The following ADGRB3 variants were observed in gnomAD, a reference collection of about 807,000 sequenced individuals.
ADGRB3 encodes adhesion G protein-coupled receptor B3, also known as brain-specific angiogenesis inhibitor 3.
Under a neutral mutation model 193.4 loss-of-function variants are expected in ADGRB3, and 37 were observed. The ratio of observed to expected loss-of-function variants is 0.19; its 90% confidence interval spans 0.15 to 0.25. ADGRB3 has a LOEUF of 0.25. ADGRB3 is among the 10% of genes least tolerant of loss of function. The pLI, the probability that ADGRB3 is intolerant of heterozygous loss-of-function variation, is 1.00. For missense variants in ADGRB3, 1,637 were observed against 1,852.9 expected, an observed-to-expected ratio of 0.88 and a Z score of 2.14; for synonymous variants, 690 against 644.2, an observed-to-expected ratio of 1.07 and a Z score of -1.08.
Position 68,988,948 on chromosome 6 carries a change from G to A in ADGRB3, c.1735-4820G>A, listed in dbSNP as rs540846158. Among the ~76,000 whole-genome samples the A allele has an allele frequency of 6.6e-5, 10 of 152,250 alleles. No individual in the cohort carries two copies. The East Asian group carries it at 1.9e-3, about 29-fold the overall frequency. ...AAACTCCTAGTCTGAACCAAGAACAGATGGAATTAACATCAAAAGTTGCAT... is the reference window on the plus strand; with the variant it reads ...AAACTCCTAGTCTGAACCAAGAACAAATGGAATTAACATCAAAAGTTGCAT... On this transcript the variant is annotated intron_variant, in intron 10 of 31. Coordinates refer to ENST00000370598, the MANE Select transcript of ADGRB3 (RefSeq NM_001704.3).
intron 3 of ADGRB3, among the ~76,000 whole-genome samples, chr6:68,907,108 C>T (rs528020194): frequency 7.1e-4 from 108 of 151,874 alleles, no homozygotes; most frequent in African/African-American, 2.0e-3. Context: ...CTCAGTAATT[C>T]GGATTCAAAT....
At chr6:69,282,186 A>G (rs950202084) in intron 20 of ADGRB3, among the ~76,000 whole-genome samples, 7 of 152,170 alleles carry the variant, frequency 4.6e-5, no homozygotes, top group African/African-American at 9.7e-5. Flanking sequence ...GGCAAATAAA[A>G]TGAATATCAG....
In ADGRB3 at chr6:69,074,537, C is replaced by CT. The variant is rs956596624; in HGVS notation, c.2437-1437dup. The stretch of plus-strand genomic sequence containing the variant: ...GGCAGTGGCCTGTTTCAGGACTGTA[C>CT]TTTTTTTTTTTTTTTTTTTTTGAGA... On this transcript the variant is annotated intron_variant, in intron 16 of 31. Transcript: ENST00000370598. 7.5e-3 allele frequency among the ~76,000 whole-genome samples: 864 copies of CT among 115,872 alleles called. 8 individuals carry two copies. Among genetic ancestry groups the CT allele is most frequent in the African/African-American group, 0.018 (572 of 31,028 alleles). The allele number at this position is 115,872 out of a possible 152,430, so 76.0% of individuals were successfully genotyped here. A position where few individuals can be genotyped will look rare whatever the true frequency, so the allele number is the denominator to read the frequency against.
chr6:69,018,568 G>A (rs957764181), intron 13 of ADGRB3, 69 bp downstream of exon 13: 45 of 935,814 alleles, frequency 4.8e-5, no homozygotes, highest in South Asian at 7.5e-5. Flanking sequence ...TACACCATAC[G>A]TTTCCAAGTA....
intron 21 of ADGRB3, among the ~76,000 whole-genome samples, chr6:69,326,641 A>G (rs891596420): frequency 1.3e-5 from 2 of 152,174 alleles, no homozygotes; most frequent in African/African-American, 4.8e-5. Flanking sequence ...GTACAATAAA[A>G]TGAATCTAGA....
intron 3 of ADGRB3, among the ~76,000 whole-genome samples, chr6:68,650,257 T>C (rs1478646341): frequency 2.6e-5 from 4 of 152,102 alleles, no homozygotes; most frequent in Non-Finnish European, 5.9e-5. Flanking sequence ...GTATTGAAAA[T>C]TAAAATATCA....
chr6:69,006,992 G>A (rs1483318895), intron 11 of ADGRB3, among the ~76,000 whole-genome samples: 1 of 151,938 alleles, frequency 6.6e-6, no homozygotes, highest in Non-Finnish European at 1.5e-5. Flanking sequence ...TTGAGCTATA[G>A]GCTTGTAGTT....
At chr6:68,782,157 T>A (rs1766866943) in intron 3 of ADGRB3, among the ~76,000 whole-genome samples, 1 of 129,812 alleles carries the variant, frequency 7.7e-6, no homozygotes, top group Non-Finnish European at 1.6e-5. Flanking sequence ...GTGTGTGATG[T>A]TCCCCTTCCT....
chr6:69,055,482 C>G (rs1771518315), intron 15 of ADGRB3, among the ~76,000 whole-genome samples: 1 of 152,128 alleles, frequency 6.6e-6, no homozygotes, highest in African/African-American at 2.4e-5. Context: ...TTTTATACGG[C>G]TGAAGAATAT....
chr6:68,846,882 G>A (rs551259118), intron 3 of ADGRB3, among the ~76,000 whole-genome samples: 5 of 152,258 alleles, frequency 3.3e-5, no homozygotes, highest in African/African-American at 4.8e-5. Flanking sequence ...ACCCCAGAAT[G>A]GTAGATCCGC....
At chr6:68,862,550 G>A (rs559952963) in intron 3 of ADGRB3, among the ~76,000 whole-genome samples, 8 of 152,300 alleles carry the variant, frequency 5.3e-5, no homozygotes, top group Admixed American at 1.3e-4. Flanking sequence ...GGGTCAGGGG[G>A]ACCAAGTCTC....
intron 3 of ADGRB3, among the ~76,000 whole-genome samples, chr6:68,772,951 A>G (rs801271): frequency 6.8e-5 from 1 of 14,708 alleles, no homozygotes; most frequent in Non-Finnish European, 1.3e-4. Flanking sequence ...ACACAAAAAT[A>G]AAAAATAAAA....
At chr6:69,257,438 G>T (rs545686317) in intron 20 of ADGRB3, among the ~76,000 whole-genome samples, 3 of 152,290 alleles carry the variant, frequency 2.0e-5, no homozygotes, top group East Asian at 3.9e-4. Context: ...TTGGGAGAGT[G>T]TATGTGTCAA....
At position 68,786,708 on chromosome 6, in the gene ADGRB3, G is replaced by C. The variant is rs1487987124; in HGVS notation, c.758-143851G>C. Reference sequence around the variant, plus strand: ...CTGTGAAGAAAGTCATTGGTAGCTTGATGGGGATGGCATTGAATCTATAAA... The same window carrying C: ...CTGTGAAGAAAGTCATTGGTAGCTTCATGGGGATGGCATTGAATCTATAAA... On this transcript the variant is annotated intron_variant, in intron 3 of 31. Transcript: ENST00000370598. 7.3e-3 allele frequency among the ~76,000 whole-genome samples: 1,096 copies of C among 150,868 alleles called. 10 individuals carry two copies. Among genetic ancestry groups the C allele is most frequent in the African/African-American group, 0.026 (1,052 of 41,250 alleles).
intron 3 of ADGRB3, among the ~76,000 whole-genome samples, chr6:68,738,986 A>G (rs920384935): frequency 5.9e-5 from 9 of 152,186 alleles, no homozygotes; most frequent in African/African-American, 1.9e-4. Context: ...TGAACTGGTC[A>G]GTAAGGTAAA....
chr6:69,303,292 G>T (rs567778506), intron 20 of ADGRB3, among the ~76,000 whole-genome samples: 1 of 151,708 alleles, frequency 6.6e-6, no homozygotes, highest in African/African-American at 2.4e-5. Context: ...ATAAAAAAGC[G>T]AAAAAAATCA....
chr6:68,653,802 G>A (rs1038867113), intron 3 of ADGRB3, among the ~76,000 whole-genome samples: 2 of 151,818 alleles, frequency 1.3e-5, no homozygotes, highest in Non-Finnish European at 2.9e-5. Flanking sequence ...AACTTGTCCT[G>A]TTCTCTTTTT....
In ADGRB3 at chr6:68,787,094, T is replaced by G. The variant is rs569209349; in HGVS notation, c.758-143465T>G. On this transcript the variant is annotated intron_variant, in intron 3 of 31. Transcript: ENST00000370598. ...TTTCTAGATATACAATCATGTAATC[T>G]GCAAACAGGGACAATTTGACTTCCT... 3.0e-3 allele frequency among the ~76,000 whole-genome samples: 459 copies of G among 152,340 alleles called. 6 individuals are homozygous for G. The highest frequency in any genetic ancestry group is 0.011 in the African/African-American group (447 of 41,584).
intron 20 of ADGRB3, among the ~76,000 whole-genome samples, chr6:69,248,658 C>T (rs2127265600): frequency 6.6e-6 from 1 of 152,308 alleles, no homozygotes; most frequent in African/African-American, 2.4e-5. Flanking sequence ...TGAATCTATT[C>T]AGTTCTGCTG....
Sources: gnomAD v4.1 joint callset for allele counts (sites outside exome capture counted in the v4.1 genomes callset) on GRCh38, gnomAD v4.1.1 for gene constraint, MANE v1.5 for transcripts, NCBI Gene and HGNC (gene_info 2026-07-23, HGNC 2026-07-21) for gene names.